TSHZ3: variants seen among roughly 807,000 people sequenced by gnomAD.
The protein encoded by TSHZ3 is teashirt homolog 3.
TSHZ3 carries 10 observed loss-of-function variants against 64.5 expected under a neutral mutation model. That is an observed-to-expected ratio of 0.16 (90% CI 0.10 to 0.26). The LOEUF (loss-of-function observed/expected upper bound fraction) is 0.26, where lower values mean the gene tolerates loss of function less well. Ranked by LOEUF, TSHZ3 falls within the 10% of genes least tolerant of loss-of-function variation. The probability of loss-of-function intolerance (pLI) is 1.00; values close to 1 mark genes in which losing one functional copy is unlikely to be tolerated. For missense variants in TSHZ3, 1,242 were observed against 1,421.7 expected (o/e 0.87, Z 2.03); for synonymous variants, 608 against 593.1 (o/e 1.03, Z -0.36).
At position 31,278,871 on chromosome 19, in the gene TSHZ3, G is replaced by A. The variant is rs1286778828; in HGVS notation, c.922C>T (p.Pro308Ser). 1.2e-6 allele frequency: 2 copies of A among 1,614,076 alleles called. No individual in the cohort carries two copies. The highest frequency in any genetic ancestry group is 2.2e-5 in the South Asian group (2 of 91,074). Residue 308 changes from proline (P) to serine (S), a missense_variant, in exon 2 of 2, where the codon CCC becomes TCC. By Grantham distance (74) the Pro-to-Ser change is moderately conservative. Transcript: ENST00000240587. The surrounding 1 kb of genome is among the most constrained non-coding windows in gnomAD (Gnocchi z 4.7). ...KHYQKVPLKE[P>S]VTPVAAKIIP... is the part of the protein sequence containing the mutation. ...ATTTTGGCGGCGACAGGAGTGACGG[G>A]TTCCTTCAGAGGCACTTTTTGGTAG... is the stretch of plus-strand genomic sequence containing the variant.
intron 1 of TSHZ3, among the ~76,000 whole-genome samples, chr19:31,312,387 C>T (rs1916482690): frequency 6.6e-6 from 1 of 152,160 alleles, no homozygotes; most frequent in Middle Eastern, 3.2e-3. Context: ...AAGTTCAGAT[C>T]CTCCATTGCA....
chr19:31,225,046 C>A (rs1032884967), intron 4 of TSHZ3, among the ~76,000 whole-genome samples: 5 of 152,182 alleles, frequency 3.3e-5, no homozygotes, highest in Admixed American at 2.0e-4. Flanking sequence ...GAAGAGGAGG[C>A]CAGACCTGTG....
At chr19:31,258,052 G>A (rs1975935526) in intron 1 of TSHZ3, among the ~76,000 whole-genome samples, 1 of 152,112 alleles carries the variant, frequency 6.6e-6, no homozygotes, top group Admixed American at 6.5e-5. Flanking sequence ...TGATAAACTG[G>A]GTGACTGCAG....
intron 5 of TSHZ3, among the ~76,000 whole-genome samples, chr19:31,160,361 T>C (rs750499): frequency 0.28 from 42,812 of 152,062 alleles, 6,052 homozygotes; most frequent in Admixed American, 0.37. Flanking sequence ...CTGCGGTCTA[T>C]CTGCCCCTCT....
intron 5 of TSHZ3, among the ~76,000 whole-genome samples, chr19:31,195,168 G>T (rs76481240): frequency 0.039 from 5,954 of 151,738 alleles, 385 homozygotes; most frequent in African/African-American, 0.14. Context: ...AGGTACAGAA[G>T]AAATATTTAA....
Position 31,278,079 on chromosome 19 carries a change from G to C in TSHZ3, c.1714C>G (p.Pro572Ala). 6.2e-7 allele frequency: 1 copy of C among 1,614,138 alleles called. No individual in the cohort carries two copies. Among genetic ancestry groups the C allele is most frequent in the Non-Finnish European group, 8.5e-7 (1 of 1,179,976 alleles). ...LSLGSSGKST[P>A]LKPMFGNSEI... ...CTGTTGCCAAACATGGGTTTCAGGG[G>C]CGTGCTCTTCCCCGACGAGCCCAGG... is the stretch of plus-strand genomic sequence containing the variant. Residue 572 changes from proline (P) to alanine (A), a missense_variant, in exon 2 of 2, where the codon CCC (proline) becomes GCC (alanine). By Grantham distance (27) the Pro-to-Ala change is conservative. Coordinates refer to ENST00000240587, the MANE Select transcript of TSHZ3 (RefSeq NM_020856.4). The surrounding 1 kb of genome is among the most constrained non-coding windows in gnomAD (Gnocchi z 4.7).
chr19:31,201,104 A>G (rs2145149701), intron 5 of TSHZ3, among the ~76,000 whole-genome samples: 1 of 152,336 alleles, frequency 6.6e-6, no homozygotes, highest in Non-Finnish European at 1.5e-5. Flanking sequence ...TATTTATGTA[A>G]TAAATGAATA....
At chr19:31,234,058 T>A (rs762726071) in intron 3 of TSHZ3, among the ~76,000 whole-genome samples, 1 of 152,158 alleles carries the variant, frequency 6.6e-6, no homozygotes, top group Non-Finnish European at 1.5e-5. Flanking sequence ...GGACATGTCT[T>A]TCAGTTAATT....
chr19:31,150,362 G>T (rs1974223321), exon 7 of TSHZ3, among the ~76,000 whole-genome samples: 1 of 152,216 alleles, frequency 6.6e-6, no homozygotes, highest in African/African-American at 2.4e-5. Context: ...CTGGGTGCCT[G>T]CTCATCTTCT....
chr19:31,280,944 G>A (rs1473429291), intron 1 of TSHZ3, among the ~76,000 whole-genome samples: 1 of 152,196 alleles, frequency 6.6e-6, no homozygotes, highest in Non-Finnish European at 1.5e-5. Flanking sequence ...CTGCATCAGG[G>A]TAGTTTTTTG....
chr19:31,293,144 C>T (rs1480976122), intron 1 of TSHZ3, among the ~76,000 whole-genome samples: 2 of 152,004 alleles, frequency 1.3e-5, no homozygotes, highest in African/African-American at 4.8e-5. Context: ...CATCCGCCCA[C>T]CCACCCATCA....
At chr19:31,230,288 C>T (rs1975521768) in intron 3 of TSHZ3, among the ~76,000 whole-genome samples, 1 of 152,048 alleles carries the variant, frequency 6.6e-6, no homozygotes, top group Non-Finnish European at 1.5e-5. Flanking sequence ...GCAAACCCAT[C>T]TGTACATTTC....
chr19:31,302,425 G>T (rs1976771276), intron 1 of TSHZ3, among the ~76,000 whole-genome samples: 1 of 152,206 alleles, frequency 6.6e-6, no homozygotes, highest in South Asian at 2.1e-4. Context: ...ACTCACACCT[G>T]TTCATAAGTG....
At chr19:31,181,261 T>A (rs1018268050) in intron 5 of TSHZ3, among the ~76,000 whole-genome samples, 1 of 152,094 alleles carries the variant, frequency 6.6e-6, no homozygotes, top group Non-Finnish European at 1.5e-5. Context: ...AGGAAACCCA[T>A]CCAGAATCTT....
At chr19:31,206,042 T>A (rs1568347611) in intron 4 of TSHZ3, among the ~76,000 whole-genome samples, 1 of 151,714 alleles carries the variant, frequency 6.6e-6, no homozygotes, top group African/African-American at 2.4e-5. Context: ...AATTGATGGG[T>A]GAGTGGAAGA....
intron 6 of TSHZ3, among the ~76,000 whole-genome samples, chr19:31,155,531 G>A (rs1974296017): frequency 6.6e-6 from 1 of 152,234 alleles, no homozygotes; most frequent in Non-Finnish European, 1.5e-5. Flanking sequence ...GCATTCATGT[G>A]ATAAATTTCT....
intron 1 of TSHZ3, among the ~76,000 whole-genome samples, chr19:31,325,627 T>C (rs1916911646): frequency 6.6e-6 from 1 of 152,170 alleles, no homozygotes; most frequent in Non-Finnish European, 1.5e-5. Context: ...ATATTTATCA[T>C]TTTGTTAACC....
At chr19:31,223,864 G>T (rs1456196021) in intron 4 of TSHZ3, among the ~76,000 whole-genome samples, 1 of 152,036 alleles carries the variant, frequency 6.6e-6, no homozygotes, top group Non-Finnish European at 1.5e-5. Context: ...GGTGATGGGG[G>T]TTCTTCCCTA....
At chr19:31,348,691 C>A (rs921895418) in intron 1 of TSHZ3, among the ~76,000 whole-genome samples, 29 of 152,192 alleles carry the variant, frequency 1.9e-4, no homozygotes, top group Non-Finnish European at 3.5e-4. Context: ...AGTTTGGGCC[C>A]AAGAAATGAG....
Sources: allele counts gnomAD v4.1 joint callset (sites outside exome capture counted in the v4.1 genomes callset), GRCh38; gene constraint gnomAD v4.1.1; non-coding constraint Gnocchi (gnomAD v3.1); transcripts MANE v1.5; gene names NCBI Gene and HGNC (gene_info 2026-07-23, HGNC 2026-07-21).